Variants in TMEM132D observed in about 807,000 individuals in gnomAD.
TMEM132D encodes mature OL transmembrane protein.
A neutral mutation model predicts 62.3 loss-of-function variants in TMEM132D; 21 were observed. The ratio of observed to expected loss-of-function variants is 0.34; its 90% confidence interval spans 0.24 to 0.49. TMEM132D has a LOEUF of 0.49. Ranked by LOEUF, TMEM132D falls within the 20% of genes least tolerant of loss-of-function variation. The pLI is 0.99. For missense variants in TMEM132D, 1,346 were observed against 1,402.8 expected, an observed-to-expected ratio of 0.96 and a Z score of 0.65; for synonymous variants, 621 against 575.6, an observed-to-expected ratio of 1.08 and a Z score of -1.13.
intron 3 of TMEM132D, among the ~76,000 whole-genome samples, chr12:129,391,901 C>T (rs1339849397): frequency 1.3e-5 from 2 of 151,372 alleles, no homozygotes; most frequent in Non-Finnish European, 1.5e-5. Context: ...GGATTACAGG[C>T]GCCCACCACC....
intron 2 of TMEM132D, among the ~76,000 whole-genome samples, chr12:129,640,354 T>A (rs1879611636): frequency 6.6e-6 from 1 of 152,218 alleles, no homozygotes; most frequent in African/African-American, 2.4e-5. Context: ...ATATGCTTCA[T>A]ATTCACTCTC....
intron 2 of TMEM132D, among the ~76,000 whole-genome samples, chr12:129,644,757 T>C (rs1879727168): frequency 6.7e-6 from 1 of 149,856 alleles, no homozygotes; most frequent in Non-Finnish European, 1.5e-5. Context: ...GGTGGGCAGA[T>C]CACGAGGTCA....
At chr12:129,605,314 T>C (rs1180085645) in intron 2 of TMEM132D, among the ~76,000 whole-genome samples, 1 of 152,012 alleles carries the variant, frequency 6.6e-6, no homozygotes, top group Non-Finnish European at 1.5e-5. Flanking sequence ...CATTACTGAC[T>C]CATGTCTAAA....
At chr12:129,736,539 G>A (rs751558114) in intron 1 of TMEM132D, among the ~76,000 whole-genome samples, 4 of 152,028 alleles carry the variant, frequency 2.6e-5, no homozygotes, top group Non-Finnish European at 4.4e-5. Flanking sequence ...ACAGAAGGTC[G>A]GCAGCTGAAC....
intron 5 of TMEM132D, among the ~76,000 whole-genome samples, chr12:129,153,880 AAGTTTC>A (rs1877151831): frequency 6.6e-6 from 1 of 152,124 alleles, no homozygotes; most frequent in Non-Finnish European, 1.5e-5. Context: ...CGGCTCTGGA[AAGTTTC>A]TCCAGAAGCG....
intron 4 of TMEM132D, among the ~76,000 whole-genome samples, chr12:129,238,719 G>A (rs533467343): frequency 4.6e-5 from 7 of 152,158 alleles, no homozygotes; most frequent in Non-Finnish European, 8.8e-5. Context: ...TTGCTCATCC[G>A]TTCATCCACT....
intron 3 of TMEM132D, among the ~76,000 whole-genome samples, chr12:129,460,072 T>C (rs571985080): frequency 6.6e-6 from 1 of 152,320 alleles, no homozygotes; most frequent in Admixed American, 6.5e-5. Context: ...GACTCACTTT[T>C]GGCAGCAGAC....
chr12:129,359,785 A>C (rs1870187487), intron 3 of TMEM132D, among the ~76,000 whole-genome samples: 1 of 152,206 alleles, frequency 6.6e-6, no homozygotes, highest in Admixed American at 6.5e-5. Context: ...GTTTAATTTT[A>C]AGAGTTGACT....
rs150372750 is a variant in TMEM132D, at chr12:129,239,886, C to T, written c.1300-30223G>A. Among the ~76,000 whole-genome samples, 1,168 of 152,274 alleles carry T rather than the reference C, an allele frequency of 7.7e-3. 12 individuals carry two copies. The highest frequency in any genetic ancestry group is 0.026 in the African/African-American group (1,094 of 41,564). On this transcript the variant is annotated intron_variant, in intron 4 of 8. Transcript: ENST00000422113. ...GAAATTTCTAATGGCAGCCCTAGAA[C>T]GCCAATACACTTGGTGTAGAACAAT...
intron 1 of TMEM132D, among the ~76,000 whole-genome samples, chr12:129,805,423 G>A (rs945946962): frequency 6.6e-6 from 1 of 151,974 alleles, no homozygotes; most frequent in Non-Finnish European, 1.5e-5. Flanking sequence ...ACAAACCTGA[G>A]AAAAACAAGC....
chr12:129,450,550 A>G (rs1447027124), intron 3 of TMEM132D, among the ~76,000 whole-genome samples: 1 of 152,046 alleles, frequency 6.6e-6, no homozygotes, highest in Admixed American at 6.6e-5. Flanking sequence ...AGTAAAATGC[A>G]CTCTAGTTTC....
At chr12:129,522,939 G>A (rs1215584249) in intron 3 of TMEM132D, among the ~76,000 whole-genome samples, 1 of 115,464 alleles carries the variant, frequency 8.7e-6, no homozygotes, top group Non-Finnish European at 1.8e-5. Context: ...AGATATATAT[G>A]TAGACATAGA....
At chr12:129,143,342 G>A (rs1876796551) in intron 5 of TMEM132D, among the ~76,000 whole-genome samples, 2 of 152,184 alleles carry the variant, frequency 1.3e-5, no homozygotes, top group Admixed American at 1.3e-4. Context: ...TGAAGCATGG[G>A]GGAGGGGGCA....
chr12:129,175,903 A>C (rs1877891581), intron 5 of TMEM132D, among the ~76,000 whole-genome samples: 1 of 152,224 alleles, frequency 6.6e-6, no homozygotes, highest in Non-Finnish European at 1.5e-5. Flanking sequence ...TATAGGGTTT[A>C]AGACGTGAAG....
At chr12:129,216,992 T>A (rs1879222649) in intron 4 of TMEM132D, among the ~76,000 whole-genome samples, 1 of 152,244 alleles carries the variant, frequency 6.6e-6, no homozygotes, top group East Asian at 1.9e-4. Flanking sequence ...GGAAAAAACA[T>A]TTTTTGTTGT....
chr12:129,519,592 CA>C lies in TMEM132D; in HGVS notation c.1115+11466del, dbSNP rs201254366. Among the ~76,000 whole-genome samples, 825 of 144,176 alleles carry C rather than the reference CA, an allele frequency of 5.7e-3. 6 individuals are homozygous for C. The highest frequency in any genetic ancestry group is 0.019 in the African/African-American group (746 of 39,126). 94.6% of individuals were successfully genotyped at this position (144,176 alleles called of 152,430 possible). On this transcript the variant is annotated intron_variant, in intron 3 of 8. Transcript: ENST00000422113. ...GAATTGTCAAAGCAATCTATGACAC[CA>C]AAAACAGATAAGAATGCTTTTTTTT...
chr12:129,330,001 T>C (rs1869052649), intron 4 of TMEM132D, among the ~76,000 whole-genome samples: 1 of 152,146 alleles, frequency 6.6e-6, no homozygotes, highest in African/African-American at 2.4e-5. Flanking sequence ...AAAATATAAG[T>C]TTTGCCTGCT....
intron 1 of TMEM132D, among the ~76,000 whole-genome samples, chr12:129,716,109 C>T (rs1015222572): frequency 2.6e-5 from 4 of 152,196 alleles, no homozygotes; most frequent in African/African-American, 9.6e-5. Context: ...CTCCTAACTC[C>T]AGAGAAAGGC....
At chr12:129,851,566 C>A (rs1873543840) in intron 1 of TMEM132D, among the ~76,000 whole-genome samples, 1 of 152,138 alleles carries the variant, frequency 6.6e-6, no homozygotes, top group Non-Finnish European at 1.5e-5. Flanking sequence ...GTGAAAAATT[C>A]AAGGCAACCA....
Sources: gnomAD v4.1 joint callset for allele counts (sites outside exome capture counted in the v4.1 genomes callset) on GRCh38, gnomAD v4.1.1 for gene constraint, MANE v1.5 for transcripts, NCBI Gene and HGNC (gene_info 2026-07-23, HGNC 2026-07-21) for gene names.